The following MAP3K10 variants were observed in gnomAD, a reference collection of about 807,000 sequenced individuals.
MAP3K10 encodes MKN28 derived nonreceptor_type serine/threonine kinase.
In MAP3K10, 22 loss-of-function variants were observed where a neutral mutation model predicts 75.0. The ratio of observed to expected loss-of-function variants is 0.29; its 90% CI spans 0.21 to 0.42. The LOEUF (loss-of-function observed/expected upper bound fraction) is 0.42, where lower values mean the gene tolerates loss of function less well. Among genes scored for constraint, MAP3K10 ranks in the 10% least tolerant of loss-of-function variants. The pLI, the probability that MAP3K10 is intolerant of heterozygous loss-of-function variation, is 1.00. For synonymous variants in MAP3K10, 599 were observed against 612.9 expected, an observed-to-expected ratio of 0.98 and a Z score of 0.34; for missense variants, 1,165 against 1,379.8, an observed-to-expected ratio of 0.84 and a Z score of 2.47.
At chr19:40,200,636 T>TG (rs1410662678) in intron 2 of MAP3K10, among the ~76,000 whole-genome samples, 6 of 148,314 alleles carry the variant, frequency 4.0e-5, no homozygotes, top group African/African-American at 7.5e-5. Context: ...TTTTTTTTTT[T>TG]GGGACAGAGT....
At position 40,213,718 on chromosome 19, in the gene MAP3K10, C is replaced by T. The variant is rs754294326; in HGVS notation, c.2039C>T (p.Thr680Met). Residue 680 changes from threonine to methionine, a missense_variant, in exon 9 of 10, where the codon ACG (threonine) becomes ATG (methionine). Physicochemically the swap from Thr to Met is moderately conservative, Grantham distance 81. Transcript: ENST00000253055. The surrounding 1 kb of genome is among the most constrained non-coding windows in gnomAD (Gnocchi z 5.7). ...RCDLALLGCATLLGAVGLGAD... is the reference protein window; with the variant it reads ...RCDLALLGCAMLLGAVGLGAD... ...GACCTGGCGCTGCTAGGCTGCGCCA[C>T]GCTGCTGGGGGCTGTGGGCCTGGGC... The T allele has an allele frequency of 1.9e-6, 2 of 1,075,822 alleles. No homozygotes were observed. The highest frequency in any genetic ancestry group is 2.3e-6 in the Non-Finnish European group (2 of 887,420). The allele number at this position is 1,075,822 out of a possible 1,614,324, so 66.6% of individuals were successfully genotyped here. A position where few individuals can be genotyped will look rare whatever the true frequency, so the allele number is the denominator to read the frequency against.
Position 40,205,822 on chromosome 19 carries a change from G to A in MAP3K10, c.1189-89G>A, listed in dbSNP as rs753093035. On this transcript the variant is annotated intron_variant, in intron 4 of 9. Transcript: ENST00000253055. The surrounding 1 kb of genome is among the most constrained non-coding windows in gnomAD (Gnocchi z 4.3). ...CCCACAGCAAGGTACCCTTGTGTGA[G>A]GCACCAACCAGACGCAGCAGCCCTG... The A allele has an allele frequency of 1.2e-4, 160 of 1,367,900 alleles. No homozygotes were observed. Among genetic ancestry groups the A allele is most frequent in the Middle Eastern group, 1.1e-3 (4 of 3,800 alleles). The allele number at this position is 1,367,900 out of a possible 1,614,324, so 84.7% of individuals were successfully genotyped here.
chr19:40,197,018 G>A (rs996394455), intron 1 of MAP3K10, among the ~76,000 whole-genome samples: 2 of 152,174 alleles, frequency 1.3e-5, no homozygotes, highest in Non-Finnish European at 2.9e-5. Context: ...ATCATGCTGT[G>A]TAATAAGCTA....
intron 5 of MAP3K10, 25 bp downstream of exon 5, chr19:40,206,182 C>A: frequency 6.4e-7 from 1 of 1,567,800 alleles, no homozygotes; most frequent in Non-Finnish European, 8.7e-7. Context: ...CCCCAGAGCG[C>A]CCCCCAAGAG....
In MAP3K10 at chr19:40,198,929, G is replaced by C. The variant is rs568446554; in HGVS notation, c.863+374G>C. ...CTAAAAATACTAAAATTACCTGGGC[G>C]TGGTGGCAGATGCCTGTTGTCCCAG... On this transcript the variant is annotated intron_variant, in intron 2 of 9. Transcript: ENST00000253055. This position sits in a 1 kb window ranked among gnomAD's most constrained non-coding sequence, Gnocchi z 4.3. Among the ~76,000 whole-genome samples the C allele has an allele frequency of 6.6e-6, 1 of 152,192 alleles. No individual in the cohort carries two copies. Among genetic ancestry groups the C allele is most frequent in the Non-Finnish European group, 1.5e-5 (1 of 68,042 alleles).
At chr19:40,206,464 T>G in intron 5 of MAP3K10, 1 of 238,192 alleles carries the variant, frequency 4.2e-6, no homozygotes, top group East Asian at 8.5e-5. Context: ...TAGTCCAAGC[T>G]AGTGGGGAGG....
intron 5 of MAP3K10, 29 bp downstream of exon 5, chr19:40,206,186 C>T (rs747695251): frequency 2.6e-6 from 4 of 1,557,960 alleles, no homozygotes; most frequent in Admixed American, 3.9e-5. Flanking sequence ...AGAGCGCCCC[C>T]CAAGAGGCTG....
rs979154249 is a variant in MAP3K10 at position 40,213,851 on chromosome 19, C to T, written c.2172C>T (p.Pro724=). 3 of 1,381,600 alleles carry T rather than the reference C, an allele frequency of 2.2e-6. No individual in the cohort carries two copies. Among genetic ancestry groups the T allele is most frequent in the African/African-American group, 1.5e-5 (1 of 64,600 alleles). The allele number at this position is 1,381,600 out of a possible 1,614,324, so 85.6% of individuals were successfully genotyped here. A position where few individuals can be genotyped will look rare whatever the true frequency, so the allele number is the denominator to read the frequency against. ...AGRFPRGLSP[P]ARPHGRREDV... ...GCTTCCCGCGGGGCCTCAGCCCACC[C>T]GCGCGTCCCCACGGCCGCCGCGAAG... is the stretch of plus-strand genomic sequence containing the variant. The change falls in exon 9 of 10, where the codon CCC becomes CCT. Residue 724 remains proline (P), a synonymous_variant. Transcript: ENST00000253055. This position sits in a 1 kb window ranked among gnomAD's most constrained non-coding sequence, Gnocchi z 5.7.
At position 40,205,850 on chromosome 19, in the gene MAP3K10, T is replaced by TCCCTCCCCAGGAAGCAGAGCAGCTAAGC; in HGVS notation, c.1189-52_1189-25dup. The TCCCTCCCCAGGAAGCAGAGCAGCTAAGC allele has an allele frequency of 6.9e-7, 1 of 1,444,524 alleles. No individual in the cohort carries two copies. Among genetic ancestry groups the TCCCTCCCCAGGAAGCAGAGCAGCTAAGC allele is most frequent in the Non-Finnish European group, 9.1e-7 (1 of 1,093,888 alleles). The allele number at this position is 1,444,524 out of a possible 1,614,324, so 89.5% of individuals were successfully genotyped here. A position where few individuals can be genotyped will look rare whatever the true frequency, so the allele number is the denominator to read the frequency against. ...ACCAACCAGACGCAGCAGCCCTGGG[T>TCCCTCCCCAGGAAGCAGAGCAGCTAAGC]CCCTCCCCAGGAAGCAGAGCAGCTA... On this transcript the variant is annotated intron_variant, in intron 4 of 9. Coordinates refer to ENST00000253055, the MANE Select transcript of MAP3K10 (RefSeq NM_002446.4). The surrounding 1 kb of genome is among the most constrained non-coding windows in gnomAD (Gnocchi z 4.3).
At chr19:40,207,155 A>G (rs192292767) in intron 5 of MAP3K10, among the ~76,000 whole-genome samples, 2 of 152,274 alleles carry the variant, frequency 1.3e-5, no homozygotes, top group African/African-American at 4.8e-5. Flanking sequence ...TTTTTTACCT[A>G]CAAAAACAGA....
In MAP3K10 at chr19:40,198,238, G is replaced by T; in HGVS notation, c.683-137G>T. The T allele has an allele frequency of 1.3e-6, 1 of 774,136 alleles. No individual in the cohort carries two copies. The highest frequency in any genetic ancestry group is 2.0e-6 in the Non-Finnish European group (1 of 491,108). 48.0% of individuals were successfully genotyped at this position (774,136 alleles called of 1,614,324 possible). A position where few individuals can be genotyped will look rare whatever the true frequency, so the allele number is the denominator to read the frequency against. On this transcript the variant is annotated intron_variant, in intron 1 of 9. Coordinates refer to ENST00000253055, the MANE Select transcript of MAP3K10 (RefSeq NM_002446.4). This position sits in a 1 kb window ranked among gnomAD's most constrained non-coding sequence, Gnocchi z 4.3. ...GGGGCTCATGGATGTTCCAGGCCAG[G>T]AAAGGACCTGCCACAGAGCGGGGCA... is the stretch of plus-strand genomic sequence containing the variant.
At chr19:40,206,256 T>TGCTAAATATATCGCACATTC in intron 5 of MAP3K10, 99 bp downstream of exon 5, 1 of 1,409,380 alleles carries the variant, frequency 7.1e-7, no homozygotes, top group Non-Finnish European at 9.6e-7. Context: ...TTGTTTTTAT[T>TGCTAAATATATCGCACATTC]GCTAAATATA....
In MAP3K10 at chr19:40,214,002, T is replaced by TGCCCCCCCCCCCCCCCCCCCCCCCCCC; in HGVS notation, c.2323_2324insGCCCCCCCCCCCCCCCCCCCCCCCCCC (p.Ser775delinsCysProProProProProProProProPro). The TGCCCCCCCCCCCCCCCCCCCCCCCCCC allele has an allele frequency of 1.3e-6, 2 of 1,493,670 alleles. No homozygotes were observed. The highest frequency in any genetic ancestry group is 1.5e-5 in the African/African-American group (1 of 67,948). 92.5% of individuals were successfully genotyped at this position (1,493,670 alleles called of 1,614,324 possible). A position where few individuals can be genotyped will look rare whatever the true frequency, so the allele number is the denominator to read the frequency against. On this transcript the variant is annotated protein_altering_variant, in exon 9 of 10. Coordinates refer to ENST00000253055, the MANE Select transcript of MAP3K10 (RefSeq NM_002446.4). ...TGACGAGGCCGCACCGGCCGCGCCCTCCCCACCACCCTCCCCGCCCGCGCC... is the reference window on the plus strand; with the variant it reads ...TGACGAGGCCGCACCGGCCGCGCCCTGCCCCCCCCCCCCCCCCCCCCCCCCCCCCCCACCACCCTCCCCGCCCGCGCC...
rs1973109393 is a variant in MAP3K10 at position 40,205,845 on chromosome 19, C to T, written c.1189-66C>T. ...GAGGCACCAACCAGACGCAGCAGCC[C>T]TGGGTCCCTCCCCAGGAAGCAGAGC... On this transcript the variant is annotated intron_variant, in intron 4 of 9. Transcript: ENST00000253055. This position sits in a 1 kb window ranked among gnomAD's most constrained non-coding sequence, Gnocchi z 4.3. 6.9e-7 allele frequency: 1 copy of T among 1,445,046 alleles called. No homozygotes were observed. Among genetic ancestry groups the T allele is most frequent in the East Asian group, 2.5e-5 (1 of 40,008 alleles). The allele number at this position is 1,445,046 out of a possible 1,614,324, so 89.5% of individuals were successfully genotyped here. A position where few individuals can be genotyped will look rare whatever the true frequency, so the allele number is the denominator to read the frequency against.
Position 40,214,121 on chromosome 19 carries a change from C to T in MAP3K10, c.2442C>T (p.His814=), listed in dbSNP as rs371152583. The change falls in exon 9 of 10, where the codon CAC becomes CAT. Residue 814 remains histidine (H), a synonymous_variant. Coordinates refer to ENST00000253055, the MANE Select transcript of MAP3K10 (RefSeq NM_002446.4). ...KDPRQSLTPT[H]VTAACAVSRG... is the part of the protein sequence containing the mutation. ...CCCGCCAGTCGCTCACGCCCACCCACGTCACGGCTGCATGCGCTGTGAGCC... is the reference window on the plus strand; with the variant it reads ...CCCGCCAGTCGCTCACGCCCACCCATGTCACGGCTGCATGCGCTGTGAGCC... 4 of 1,563,938 alleles carry T rather than the reference C, an allele frequency of 2.6e-6. No homozygotes were observed. The highest frequency in any genetic ancestry group is 3.5e-5 in the Admixed American group (2 of 56,374).
chr19:40,194,617 C>A (rs957439465), intron 1 of MAP3K10, among the ~76,000 whole-genome samples: 1 of 152,198 alleles, frequency 6.6e-6, no homozygotes, highest in Non-Finnish European at 1.5e-5. Context: ...GGCTTCCTCC[C>A]GGGGTGATGG....
chr19:40,215,004 C>A lies in MAP3K10; in HGVS notation c.2577C>A (p.Pro859=). Reference sequence around the variant, plus strand: ...ACCTTCTGGACTTCCCCCGCCTGCCCGACCCCCAGGCCCTGTTCCCAGCCC... The same window carrying A: ...ACCTTCTGGACTTCCCCCGCCTGCCAGACCCCCAGGCCCTGTTCCCAGCCC... ...PRDLLDFPRL[P]DPQALFPARR... is the part of the protein sequence containing the mutation. Residue 859 remains proline, a synonymous_variant, in exon 10 of 10, where the codon CCC becomes CCA. Transcript: ENST00000253055. 6.3e-7 allele frequency: 1 copy of A among 1,593,076 alleles called. No homozygotes were observed. The highest frequency in any genetic ancestry group is 8.6e-7 in the Non-Finnish European group (1 of 1,167,466).
intron 1 of MAP3K10, among the ~76,000 whole-genome samples, chr19:40,196,535 T>C (rs1206493028): frequency 1.3e-5 from 2 of 152,214 alleles, no homozygotes; most frequent in Non-Finnish European, 2.9e-5. Flanking sequence ...ATTTATTTCA[T>C]TGAGATGGAG....
At position 40,205,943 on chromosome 19, in the gene MAP3K10, G is replaced by T; in HGVS notation, c.1221G>T (p.Arg407=). ...GGAGCCGTGAGGAGGAGCTGCTGCG[G>T]GCGGCACAGGAGCAGCGCTTCCAGG... ...ELRSREEELL[R]AAQEQRFQEE... is the part of the protein sequence containing the mutation. The change falls in exon 5 of 10, where the codon CGG becomes CGT. Residue 407 remains arginine, a synonymous_variant. Transcript: ENST00000253055. This position sits in a 1 kb window ranked among gnomAD's most constrained non-coding sequence, Gnocchi z 4.3. 6.3e-7 allele frequency: 1 copy of T among 1,594,206 alleles called. No homozygotes were observed. The highest frequency in any genetic ancestry group is 8.6e-7 in the Non-Finnish European group (1 of 1,169,570).
Sources: allele counts gnomAD v4.1 joint callset (sites outside exome capture counted in the v4.1 genomes callset), GRCh38; gene constraint gnomAD v4.1.1; non-coding constraint Gnocchi (gnomAD v3.1); transcripts MANE v1.5; gene names NCBI Gene and HGNC (gene_info 2026-07-23, HGNC 2026-07-21).